TINAG: variants seen among roughly 807,000 people sequenced by gnomAD.
TINAG encodes the protein tubulointerstitial nephritis antigen.
A neutral mutation model predicts 72.7 loss-of-function variants in TINAG; 83 were observed. The ratio of observed to expected loss-of-function variants is 1.14; its 90% CI spans 0.96 to 1.37. The LOEUF (loss-of-function observed/expected upper bound fraction) is 1.37. Ranked by LOEUF, TINAG falls within the 40% of genes most tolerant of loss-of-function variation. TINAG has a pLI of 0.00. For synonymous variants in TINAG, 234 were observed against 189.9 expected, an observed-to-expected ratio of 1.23 and a Z score of -1.91; for missense variants, 685 against 576.6, an observed-to-expected ratio of 1.19 and a Z score of -1.93.
chr6:54,308,465 C>T lies in TINAG; in HGVS notation c.-86C>T. On this transcript the variant is annotated 5_prime_UTR_variant, in exon 1 of 11. Coordinates refer to ENST00000259782, the MANE Select transcript of TINAG (RefSeq NM_014464.4). ...GGTTCAGGCTGAAGTGTCTTAATGA[C>T]TAGAATTCAGGTTCCAAGGAGAAGC... 3 of 1,137,852 alleles carry T rather than the reference C, an allele frequency of 2.6e-6. No individual in the cohort carries two copies. The highest frequency in any genetic ancestry group is 3.7e-6 in the Non-Finnish European group (3 of 802,686). 70.5% of individuals were successfully genotyped at this position (1,137,852 alleles called of 1,614,324 possible).
intron 4 of TINAG, among the ~76,000 whole-genome samples, chr6:54,342,955 A>T (rs1785033465): frequency 6.6e-6 from 1 of 152,144 alleles, no homozygotes; most frequent in African/African-American, 2.4e-5. Flanking sequence ...TGATAGAAAC[A>T]TTGGCTGATA....
At chr6:54,386,439 G>A (rs1450705865) in intron 10 of TINAG, among the ~76,000 whole-genome samples, 1 of 152,044 alleles carries the variant, frequency 6.6e-6, no homozygotes, top group Non-Finnish European at 1.5e-5. Flanking sequence ...AAGCTCACGT[G>A]GTTGTTGGTA....
chr6:54,344,809 A>G (rs1404815078), intron 5 of TINAG, among the ~76,000 whole-genome samples: 1 of 152,148 alleles, frequency 6.6e-6, no homozygotes, highest in Non-Finnish European at 1.5e-5. Flanking sequence ...TCCAAAGGAC[A>G]TAGTTTTGTA....
chr6:54,353,940 G>A (rs942739740), intron 8 of TINAG, among the ~76,000 whole-genome samples: 8 of 151,784 alleles, frequency 5.3e-5, no homozygotes, highest in African/African-American at 1.9e-4. Context: ...AGGAAGGAGA[G>A]CTTTCTAAAA....
Position 54,360,320 on chromosome 6 carries a change from T to C in TINAG, c.1250+5684T>C, listed in dbSNP as rs78529094. Among the ~76,000 whole-genome samples, 525 of 151,788 alleles carry C rather than the reference T, an allele frequency of 3.5e-3. 1 individual carries two copies. The highest frequency in any genetic ancestry group is 6.1e-3 in the Non-Finnish European group (410 of 67,768). Reference sequence around the variant, plus strand: ...ATGCATTTAATTGAATAAATAACACTATTTATTTTGAAATACGGCCTTATT... The same window carrying C: ...ATGCATTTAATTGAATAAATAACACCATTTATTTTGAAATACGGCCTTATT... On this transcript the variant is annotated intron_variant, in intron 9 of 10. Transcript: ENST00000259782.
chr6:54,308,462 T>G lies in TINAG; in HGVS notation c.-89T>G. On this transcript the variant is annotated 5_prime_UTR_variant, in exon 1 of 11. It removes an upstream start codon present in the reference 5' UTR. Coordinates refer to ENST00000259782, the MANE Select transcript of TINAG (RefSeq NM_014464.4). ...CAGGGTTCAGGCTGAAGTGTCTTAA[T>G]GACTAGAATTCAGGTTCCAAGGAGA... The G allele has an allele frequency of 9.2e-7, 1 of 1,084,742 alleles. No individual in the cohort carries two copies. The highest frequency in any genetic ancestry group is 1.3e-6 in the Non-Finnish European group (1 of 755,868). The allele number at this position is 1,084,742 out of a possible 1,614,324, so 67.2% of individuals were successfully genotyped here.
chr6:54,308,287 T>A (rs2297981), upstream of TINAG, among the ~76,000 whole-genome samples: 99,032 of 152,018 alleles, frequency 0.65, 32,693 homozygotes, highest in East Asian at 0.85. Flanking sequence ...TGATGATGCA[T>A]AATTTCTACA....
intron 7 of TINAG, among the ~76,000 whole-genome samples, chr6:54,351,129 AT>A (rs1481766763): frequency 6.6e-6 from 1 of 152,018 alleles, no homozygotes; most frequent in Non-Finnish European, 1.5e-5. Context: ...ATAAAAGGCT[AT>A]TGTATTTTGT....
In TINAG at chr6:54,360,841, G is replaced by GTTTTTTTTTTTTTTTTTTTTTTTTT. The variant is rs70983415; in HGVS notation, c.1250+6212_1250+6236dup. ...GTTTCTTGTGTTTCACAGATACTGT[G>GTTTTTTTTTTTTTTTTTTTTTTTTT]TTTTTTTTTTTTTTTTTTTTTTTTT... On this transcript the variant is annotated intron_variant, in intron 9 of 10. Transcript: ENST00000259782. Among the ~76,000 whole-genome samples, 57 of 26,254 alleles carry GTTTTTTTTTTTTTTTTTTTTTTTTT rather than the reference G, an allele frequency of 2.2e-3. 17 individuals are homozygous for GTTTTTTTTTTTTTTTTTTTTTTTTT. The highest frequency in any genetic ancestry group is 4.2e-3 in the Non-Finnish European group (49 of 11,786). The allele number at this position is 26,254 out of a possible 152,430, so 17.2% of individuals were successfully genotyped here.
intron 3 of TINAG, among the ~76,000 whole-genome samples, chr6:54,325,025 C>T (rs947375637): frequency 1.3e-5 from 2 of 152,144 alleles, no homozygotes; most frequent in Non-Finnish European, 2.9e-5. Context: ...TCTGTCATTC[C>T]CTAAACATGC....
chr6:54,326,696 T>C, intron 3 of TINAG, 106 bp from the exon 4 acceptor site: 2 of 711,306 alleles, frequency 2.8e-6, no homozygotes, highest in Non-Finnish European at 4.4e-6. Flanking sequence ...TATTGTGAGA[T>C]TTGCTGCTAT....
At chr6:54,351,307 T>G (rs1419067256) in intron 7 of TINAG, 45 bp from the exon 8 acceptor site, 1 of 1,535,278 alleles carries the variant, frequency 6.5e-7, no homozygotes, top group South Asian at 1.1e-5. Context: ...GGGTTTAGTA[T>G]GCTCTGATAA....
At chr6:54,335,641 T>C (rs1268211645) in intron 4 of TINAG, among the ~76,000 whole-genome samples, 2 of 152,194 alleles carry the variant, frequency 1.3e-5, no homozygotes, top group Non-Finnish European at 2.9e-5. Flanking sequence ...TGGAAAGCTA[T>C]AGCTACCAGT....
intron 4 of TINAG, chr6:54,327,198 C>T (rs556531402): frequency 4.6e-6 from 7 of 1,532,222 alleles, no homozygotes; most frequent in Non-Finnish European, 6.1e-6. Flanking sequence ...TTGGCAGCTC[C>T]CAGCGAGACC....
chr6:54,342,648 G>A (rs927795698), intron 4 of TINAG, among the ~76,000 whole-genome samples: 4 of 152,100 alleles, frequency 2.6e-5, no homozygotes, highest in East Asian at 1.9e-4. Context: ...GATTACAGGC[G>A]TGAGCCACCG....
At chr6:54,376,916 G>A (rs971984152) in intron 9 of TINAG, among the ~76,000 whole-genome samples, 1 of 152,064 alleles carries the variant, frequency 6.6e-6, no homozygotes, top group Non-Finnish European at 1.5e-5. Flanking sequence ...TCTCAATGTA[G>A]GGAGACTGAA....
At position 54,315,455 on chromosome 6, in the gene TINAG, G is replaced by A. The variant is rs140509888; in HGVS notation, c.356-5124G>A. ...GGTCAAGGTGGGAGTATCTCTTGAC[G>A]GCCAAGAGTTTAAGACCAGCCTAGC... On this transcript the variant is annotated intron_variant, in intron 1 of 10. Transcript: ENST00000259782. Among the ~76,000 whole-genome samples, 601 of 151,830 alleles carry A rather than the reference G, an allele frequency of 4.0e-3. 6 individuals are homozygous for A. The highest frequency in any genetic ancestry group is 0.014 in the African/African-American group (573 of 41,382).
intron 9 of TINAG, among the ~76,000 whole-genome samples, chr6:54,358,774 C>T (rs902776605): frequency 2.0e-5 from 3 of 151,804 alleles, no homozygotes; most frequent in Non-Finnish European, 4.4e-5. Flanking sequence ...AGCCATCACC[C>T]CTGAAGGGCT....
chr6:54,311,904 T>A (rs1784267614), intron 1 of TINAG, among the ~76,000 whole-genome samples: 1 of 152,238 alleles, frequency 6.6e-6, no homozygotes, highest in Non-Finnish European at 1.5e-5. Flanking sequence ...CTCTGTAATG[T>A]GATGACATCT....
Sources: allele counts gnomAD v4.1 joint callset (sites outside exome capture counted in the v4.1 genomes callset), GRCh38; gene constraint gnomAD v4.1.1; transcripts MANE v1.5; gene names NCBI Gene and HGNC (gene_info 2026-07-23, HGNC 2026-07-21).